The following MELK variants were observed in gnomAD, a reference collection of about 807,000 sequenced individuals.
The protein encoded by MELK is pEg3 kinase.
A neutral mutation model predicts 85.0 loss-of-function variants in MELK; 81 were observed. That is an observed-to-expected ratio of 0.95 (90% CI 0.80 to 1.15). The LOEUF (loss-of-function observed/expected upper bound fraction) is 1.15, where lower values mean the gene tolerates loss of function less well. Ranked by LOEUF, MELK falls within the 50% of genes most tolerant of loss-of-function variation. MELK has a pLI of 0.00. For missense variants in MELK, 754 were observed against 777.5 expected, an observed-to-expected ratio of 0.97 and a Z score of 0.36; for synonymous variants, 252 against 265.0, an observed-to-expected ratio of 0.95 and a Z score of 0.48.
intron 3 of MELK, 81 bp from the exon 4 acceptor site, chr9:36,589,455 A>T: frequency 2.6e-6 from 3 of 1,135,420 alleles, no homozygotes; most frequent in Non-Finnish European, 4.0e-6. Context: ...CCAGCTACTT[A>T]GTATTAAAGC....
At chr9:36,674,112 G>A (rs1266671290) in intron 16 of MELK, among the ~76,000 whole-genome samples, 1 of 152,050 alleles carries the variant, frequency 6.6e-6, no homozygotes, top group Non-Finnish European at 1.5e-5. Context: ...TAGAAACTAT[G>A]GTTTTGTTTG....
At chr9:36,652,978 A>G (rs1830861362) in intron 12 of MELK, among the ~76,000 whole-genome samples, 1 of 152,138 alleles carries the variant, frequency 6.6e-6, no homozygotes, top group African/African-American at 2.4e-5. Flanking sequence ...TTTATATGAC[A>G]TGAAACATTT....
Position 36,677,538 on chromosome 9 carries a change from G to A in MELK, c.*201G>A, listed in dbSNP as rs755407116. The A allele has an allele frequency of 3.8e-5, 16 of 425,720 alleles. No individual in the cohort carries two copies. The highest frequency in any genetic ancestry group is 5.6e-5 in the Non-Finnish European group (14 of 247,834). The allele number at this position is 425,720 out of a possible 1,614,324, so 26.4% of individuals were successfully genotyped here. ...CTAAATCAAGCCCATCTGTCATTAT[G>A]TTACTGTCTTTTTTAATCATGTGGT... is the stretch of plus-strand genomic sequence containing the variant. On this transcript the variant is annotated 3_prime_UTR_variant, in exon 18 of 18. Transcript: ENST00000298048.
intron 7 of MELK, among the ~76,000 whole-genome samples, chr9:36,602,625 T>A (rs1245864561): frequency 6.7e-6 from 1 of 149,384 alleles, no homozygotes; most frequent in African/African-American, 2.5e-5. Context: ...AATGGCATGA[T>A]CTTGGCTCAC....
intron 10 of MELK, among the ~76,000 whole-genome samples, chr9:36,637,749 A>G (rs941705315): frequency 1.3e-5 from 2 of 152,184 alleles, no homozygotes; most frequent in Non-Finnish European, 2.9e-5. Context: ...GGAAAGATAG[A>G]CTATACTTGC....
intron 10 of MELK, among the ~76,000 whole-genome samples, chr9:36,636,782 T>TTCTTTCTTTCTG (rs71494635): frequency 0.1 from 11,133 of 106,188 alleles, 828 homozygotes; most frequent in Admixed American, 0.16. Flanking sequence ...CTTTCTTTCT[T>TTCTTTCTTTCTG]TCTGTCTGTC....
chr9:36,669,881 T>C (rs923014444), intron 15 of MELK, among the ~76,000 whole-genome samples: 2 of 27,738 alleles, frequency 7.2e-5, no homozygotes, highest in Non-Finnish European at 1.6e-4. Flanking sequence ...TTCAAGACAA[T>C]TGGAGAATTA....
chr9:36,594,661 A>G lies in MELK; in HGVS notation c.295A>G (p.Ile99Val). ...TGGAGGAGAGCTGTTTGACTATATA[A>G]TTTCCCAGGATCGCCTGTCAGAAGA... ...CPGGELFDYI[I>V]SQDRLSEEET... Residue 99 changes from isoleucine to valine, a missense_variant, in exon 5 of 18, where the codon ATT becomes GTT. Coordinates refer to ENST00000298048, the MANE Select transcript of MELK (RefSeq NM_014791.4). 6.2e-7 allele frequency: 1 copy of G among 1,613,970 alleles called. No homozygotes were observed. Among genetic ancestry groups the G allele is most frequent in the Non-Finnish European group, 8.5e-7 (1 of 1,179,954 alleles).
chr9:36,613,114 CTTG>C (rs1386106838), intron 8 of MELK, among the ~76,000 whole-genome samples: 4 of 152,142 alleles, frequency 2.6e-5, no homozygotes, highest in Non-Finnish European at 2.9e-5. Context: ...CATTGTCCTC[CTTG>C]TTGTTTCTTT....
chr9:36,674,270 T>G (rs1833146140), intron 16 of MELK, among the ~76,000 whole-genome samples: 3 of 152,198 alleles, frequency 2.0e-5, no homozygotes, highest in Admixed American at 2.0e-4. Flanking sequence ...CTCTGAGAAT[T>G]AGGCTCTCAG....
intron 10 of MELK, among the ~76,000 whole-genome samples, chr9:36,636,786 G>T (rs5027635): frequency 0.04 from 2,003 of 49,488 alleles, 36 homozygotes; most frequent in South Asian, 0.077. Context: ...CTTTCTTTCT[G>T]TCTGTCTTTC....
At chr9:36,649,578 G>A (rs1587562515) in intron 11 of MELK, among the ~76,000 whole-genome samples, 3 of 152,068 alleles carry the variant, frequency 2.0e-5, no homozygotes, top group Admixed American at 1.3e-4. Context: ...AGACCAGCCT[G>A]GACAACATGG....
Position 36,677,435 on chromosome 9 carries a change from C to A in MELK, c.*98C>A, listed in dbSNP as rs1587652456. 8.7e-7 allele frequency: 1 copy of A among 1,144,162 alleles called. No individual in the cohort carries two copies. The highest frequency in any genetic ancestry group is 2.7e-5 in the East Asian group (1 of 37,064). 70.9% of individuals were successfully genotyped at this position (1,144,162 alleles called of 1,614,324 possible). On this transcript the variant is annotated 3_prime_UTR_variant, in exon 18 of 18. Transcript: ENST00000298048. Reference sequence around the variant, plus strand: ...TTGATTTTAAAGTTCATTGGAACTACCAACTTGTTTCTAAAGAGCTATCTT... The same window carrying A: ...TTGATTTTAAAGTTCATTGGAACTAACAACTTGTTTCTAAAGAGCTATCTT...
intron 6 of MELK, among the ~76,000 whole-genome samples, chr9:36,598,601 T>G (rs1400671304): frequency 6.6e-6 from 1 of 152,188 alleles, no homozygotes; most frequent in Non-Finnish European, 1.5e-5. Flanking sequence ...GATTTATAAC[T>G]GCATCTAGAA....
At chr9:36,667,490 A>G (rs1470760647) in intron 14 of MELK, among the ~76,000 whole-genome samples, 1 of 152,230 alleles carries the variant, frequency 6.6e-6, no homozygotes, top group African/African-American at 2.4e-5. Flanking sequence ...TTTTAATGCC[A>G]TAATCCCTTC....
chr9:36,654,929 G>C (rs189556134), intron 12 of MELK, among the ~76,000 whole-genome samples: 2 of 152,160 alleles, frequency 1.3e-5, no homozygotes, highest in African/African-American at 4.8e-5. Flanking sequence ...AAGTCACATA[G>C]TCTGGTTGTA....
intron 11 of MELK, among the ~76,000 whole-genome samples, chr9:36,649,491 C>T (rs1010795575): frequency 6.7e-5 from 10 of 149,048 alleles, no homozygotes; most frequent in African/African-American, 2.2e-4. Flanking sequence ...AACAGCTAGG[C>T]ACGGTGGCTT....
chr9:36,646,477 T>A (rs1443996254), intron 11 of MELK, among the ~76,000 whole-genome samples: 1 of 152,222 alleles, frequency 6.6e-6, no homozygotes, highest in Non-Finnish European at 1.5e-5. Context: ...ACAGGAGCAC[T>A]CTGAAACTGC....
chr9:36,627,053 A>AACACACACACACACACACACAC lies in MELK; in HGVS notation c.667-3231_667-3210dup, dbSNP rs10608377. Among the ~76,000 whole-genome samples the AACACACACACACACACACACAC allele has an allele frequency of 7.9e-4, 112 of 140,956 alleles. 1 individual carries two copies. Among genetic ancestry groups the AACACACACACACACACACACAC allele is most frequent in the South Asian group, 4.8e-3 (21 of 4,334 alleles). 92.5% of individuals were successfully genotyped at this position (140,956 alleles called of 152,430 possible). On this transcript the variant is annotated intron_variant, in intron 8 of 17. Transcript: ENST00000298048. ...GAAGACAAGGACAAGCACAAGCGCA[A>AACACACACACACACACACACAC]ACACACACACACACACACACACACA... is the stretch of plus-strand genomic sequence containing the variant.
Sources: gnomAD v4.1 joint callset for allele counts (sites outside exome capture counted in the v4.1 genomes callset) on GRCh38, gnomAD v4.1.1 for gene constraint, MANE v1.5 for transcripts, NCBI Gene and HGNC (gene_info 2026-07-23, HGNC 2026-07-21) for gene names.